Variants in GOLGA4 observed in about 807,000 individuals in gnomAD.
GOLGA4 encodes the protein golgin subfamily A member 4.
A neutral mutation model predicts 265.9 loss-of-function variants in GOLGA4; 169 were observed. The observed-to-expected ratio is 0.64, with a 90% CI of 0.56 to 0.72. The LOEUF (loss-of-function observed/expected upper bound fraction) is 0.72. Ranked by LOEUF, GOLGA4 falls within the 30% of genes least tolerant of loss-of-function variation. The pLI, the probability that GOLGA4 is intolerant of heterozygous loss-of-function variation, is 0.00. For missense variants in GOLGA4, 2,482 were observed against 2,483.4 expected (o/e 1.00, Z 0.01); for synonymous variants, 923 against 855.8 (o/e 1.08, Z -1.37).
chr3:37,303,660 G>A (rs994583161), intron 10 of GOLGA4, among the ~76,000 whole-genome samples: 1 of 152,264 alleles, frequency 6.6e-6, no homozygotes, highest in Non-Finnish European at 1.5e-5. Context: ...GCCTAGGATC[G>A]AAGCCTGTGG....
At chr3:37,321,538 G>A (rs2096954736) in intron 12 of GOLGA4, 193 bp from the exon 13 acceptor site, 3 of 524,290 alleles carry the variant, frequency 5.7e-6, no homozygotes, top group African/African-American at 3.9e-5. Context: ...TAGTAATTGT[G>A]GCAATTACCC....
intron 10 of GOLGA4, among the ~76,000 whole-genome samples, chr3:37,311,650 G>A (rs1239393362): frequency 1.2e-4 from 18 of 152,132 alleles, no homozygotes; most frequent in Admixed American, 1.2e-3. Context: ...TTTCTTTCTA[G>A]GTGTGAAATT....
chr3:37,294,009 A>G (rs2096871696), intron 5 of GOLGA4, among the ~76,000 whole-genome samples: 1 of 152,220 alleles, frequency 6.6e-6, no homozygotes, highest in Non-Finnish European at 1.5e-5. Flanking sequence ...ATACGTTATT[A>G]TAATCTTATG....
intron 2 of GOLGA4, among the ~76,000 whole-genome samples, chr3:37,268,604 T>C (rs894595793): frequency 1.3e-5 from 2 of 152,090 alleles, no homozygotes; most frequent in African/African-American, 4.8e-5. Context: ...TTTTTTTTTC[T>C]TTTGATACCC....
intron 2 of GOLGA4, among the ~76,000 whole-genome samples, chr3:37,277,396 A>C (rs2096822321): frequency 6.6e-6 from 1 of 152,202 alleles, no homozygotes; most frequent in African/African-American, 2.4e-5. Flanking sequence ...AGAACTTCCC[A>C]CTATTTTTTT....
At chr3:37,330,454 C>T (rs1381493345) in intron 16 of GOLGA4, among the ~76,000 whole-genome samples, 3 of 152,026 alleles carry the variant, frequency 2.0e-5, no homozygotes, top group Non-Finnish European at 4.4e-5. Context: ...TTCTTTGTCT[C>T]GGGATGTGTG....
At chr3:37,259,326 A>G (rs1351316555) in intron 2 of GOLGA4, among the ~76,000 whole-genome samples, 5 of 152,232 alleles carry the variant, frequency 3.3e-5, no homozygotes, top group Admixed American at 3.3e-4. Context: ...CCTAACTTGT[A>G]CATAAACAAA....
intron 2 of GOLGA4, chr3:37,275,630 C>A: frequency 3.2e-6 from 5 of 1,581,784 alleles, no homozygotes; most frequent in Non-Finnish European, 3.5e-6. Context: ...CTGTGTCTTC[C>A]GCTCCAGCTT....
chr3:37,257,326 G>C (rs2096751635), intron 2 of GOLGA4, among the ~76,000 whole-genome samples: 1 of 152,064 alleles, frequency 6.6e-6, no homozygotes, highest in Non-Finnish European at 1.5e-5. Flanking sequence ...CCTGGAATAA[G>C]ACCTGGAATA....
chr3:37,300,999 G>C (rs1408319678), intron 9 of GOLGA4, among the ~76,000 whole-genome samples: 1 of 152,068 alleles, frequency 6.6e-6, no homozygotes, highest in Non-Finnish European at 1.5e-5. Context: ...CCATGATTTT[G>C]TTTTGAGATT....
intron 3 of GOLGA4, 134 bp from the exon 4 acceptor site, chr3:37,285,880 G>A (rs2096847114): frequency 2.0e-6 from 1 of 500,466 alleles, no homozygotes; most frequent in East Asian, 3.1e-5. Context: ...TGACCGTCAT[G>A]CATCTAATTA....
Position 37,324,907 on chromosome 3 carries a change from A to T in GOLGA4, c.3021A>T (p.Ala1007=). Residue 1007 remains alanine, a synonymous_variant, in exon 14 of 24, where the codon GCA becomes GCT. Transcript: ENST00000361924. ...KQFNAKMLEM[A]QANSAGISDA... is the part of the protein sequence containing the mutation. Reference sequence around the variant, plus strand: ...TTAATGCCAAAATGCTGGAAATGGCACAGGCTAACTCAGCTGGAATCAGTG... The same window carrying T: ...TTAATGCCAAAATGCTGGAAATGGCTCAGGCTAACTCAGCTGGAATCAGTG... 6.2e-7 allele frequency: 1 copy of T among 1,606,798 alleles called. No homozygotes were observed. Among genetic ancestry groups the T allele is most frequent in the South Asian group, 1.1e-5 (1 of 89,376 alleles).
At chr3:37,364,924 A>G (rs961210594) in intron 23 of GOLGA4, among the ~76,000 whole-genome samples, 1 of 151,646 alleles carries the variant, frequency 6.6e-6, no homozygotes, top group Non-Finnish European at 1.5e-5. Context: ...TTTTGAGACA[A>G]GGTGTCACTG....
chr3:37,329,603 C>T (rs1254309717), intron 16 of GOLGA4, among the ~76,000 whole-genome samples: 6 of 152,146 alleles, frequency 3.9e-5, no homozygotes, highest in Admixed American at 1.3e-4. Context: ...AAATGGAATG[C>T]ATAAGCCAAA....
At chr3:37,349,640 A>T (rs1370040698) in intron 21 of GOLGA4, among the ~76,000 whole-genome samples, 1 of 152,162 alleles carries the variant, frequency 6.6e-6, no homozygotes, top group African/African-American at 2.4e-5. Flanking sequence ...AAAATTTTCA[A>T]GTAGGGATTT....
At chr3:37,252,093 T>C (rs2096735490) in intron 2 of GOLGA4, among the ~76,000 whole-genome samples, 1 of 151,840 alleles carries the variant, frequency 6.6e-6, no homozygotes, top group East Asian at 1.9e-4. Flanking sequence ...ATTTAACTTA[T>C]TCCATGTAAC....
At chr3:37,281,198 A>C (rs2096833721) in intron 2 of GOLGA4, among the ~76,000 whole-genome samples, 1 of 152,176 alleles carries the variant, frequency 6.6e-6, no homozygotes, top group Non-Finnish European at 1.5e-5. Context: ...TTGTTATTCC[A>C]ATTAATTAGG....
rs542460895 is a variant in GOLGA4 at position 37,310,218 on chromosome 3, T to G, written c.1235-5202T>G. ...GGGTCTTGTTAACCATATAGTGAAG[T>G]GTTCTCTGGGGCAGTGTAACAAAAT... On this transcript the variant is annotated intron_variant, in intron 10 of 23. Transcript: ENST00000361924. 7.2e-5 allele frequency among the ~76,000 whole-genome samples: 11 copies of G among 152,300 alleles called. No individual in the cohort carries two copies. The South Asian group carries it at 1.5e-3, about 20-fold the overall frequency.
rs1451620470 is a variant in GOLGA4 at position 37,302,196 on chromosome 3, C to T, written c.1098C>T (p.Ile366=). ...TCACTTCTATTCAGGGAATGGTAAT[C>T]GCAGAGACAAAACGTCAGATGCATG... is the stretch of plus-strand genomic sequence containing the variant. The part of the protein sequence containing the change: ...EQLEQDKGMV[I]AETKRQMHET... Residue 366 remains isoleucine, a synonymous_variant, in exon 10 of 24, where the codon ATC becomes ATT. Transcript: ENST00000361924. 5.6e-6 allele frequency: 9 copies of T among 1,612,748 alleles called. No homozygotes were observed. Among genetic ancestry groups the T allele is most frequent in the African/African-American group, 5.3e-5 (4 of 74,812 alleles).
Sources: gnomAD v4.1 joint callset for allele counts (sites outside exome capture counted in the v4.1 genomes callset) on GRCh38, gnomAD v4.1.1 for gene constraint, MANE v1.5 for transcripts, NCBI Gene and HGNC (gene_info 2026-07-23, HGNC 2026-07-21) for gene names.